Variants in GPX6 observed in about 807,000 individuals in gnomAD.
GPX6 encodes the protein glutathione peroxidase 6.
A neutral mutation model predicts 20.0 loss-of-function variants in GPX6; 21 were observed. The ratio of observed to expected loss-of-function variants is 1.05; its 90% confidence interval spans 0.74 to 1.51. The LOEUF (loss-of-function observed/expected upper bound fraction) is 1.51. GPX6 is among the 40% of genes most tolerant of loss of function. GPX6 has a pLI of 0.00. For missense variants in GPX6, 233 were observed against 254.7 expected (o/e 0.91, Z 0.58); for synonymous variants, 75 against 98.0 (o/e 0.77, Z 1.38).
intron 1 of GPX6, among the ~76,000 whole-genome samples, chr6:28,512,581 T>G (rs978164200): frequency 1.3e-5 from 2 of 152,170 alleles, no homozygotes; most frequent in African/African-American, 4.8e-5. Flanking sequence ...CAGCAGGATG[T>G]GGGTGTGGCC....
intron 2 of GPX6, among the ~76,000 whole-genome samples, chr6:28,506,968 G>A (rs796449027): frequency 4.6e-5 from 7 of 152,258 alleles, no homozygotes; most frequent in African/African-American, 1.7e-4. Flanking sequence ...ACTCCTTGGT[G>A]CTCCACCCTG....
intron 3 of GPX6, among the ~76,000 whole-genome samples, 166 bp from the exon 4 acceptor site, chr6:28,505,968 A>G (rs1325287481): frequency 1.3e-5 from 2 of 152,238 alleles, no homozygotes; most frequent in Non-Finnish European, 2.9e-5. Context: ...TTTATGCAAT[A>G]GGCTTTATGG....
At chr6:28,504,545 TA>T (rs1171912210) in intron 4 of GPX6, 47 bp from the exon 5 acceptor site, 1 of 1,524,360 alleles carries the variant, frequency 6.6e-7, no homozygotes, top group East Asian at 2.3e-5. Flanking sequence ...ATTTCTACTT[TA>T]TTTCTACTTC....
intron 1 of GPX6, among the ~76,000 whole-genome samples, chr6:28,512,679 C>G (rs941642538): frequency 3.3e-5 from 5 of 152,194 alleles, no homozygotes; most frequent in African/African-American, 7.2e-5. Context: ...TTCTTTCGCT[C>G]TTTGCAATAA....
intron 2 of GPX6, 90 bp from the exon 3 acceptor site, chr6:28,506,519 T>C: frequency 1.3e-6 from 1 of 762,484 alleles, no homozygotes; most frequent in South Asian, 1.5e-5. Flanking sequence ...ATTTATCACA[T>C]GAATAAACCG....
chr6:28,512,717 C>T (rs115381250), intron 1 of GPX6, among the ~76,000 whole-genome samples: 4,772 of 152,296 alleles, frequency 0.031, 93 homozygotes, highest in Middle Eastern at 0.058. Context: ...TCTTGGGGTC[C>T]ACACTGCCTT....
chr6:28,506,262 G>A, intron 3 of GPX6, 50 bp downstream of exon 3: 1 of 1,079,208 alleles, frequency 9.3e-7, no homozygotes, highest in East Asian at 2.4e-5. Context: ...GGTGGAATGA[G>A]GAATGGAAAT....
intron 4 of GPX6, among the ~76,000 whole-genome samples, chr6:28,505,065 G>T (rs1325350786): frequency 6.6e-6 from 1 of 152,166 alleles, no homozygotes; most frequent in African/African-American, 2.4e-5. Context: ...ATTGATTATA[G>T]CACCATTTTT....
At chr6:28,512,991 T>C (rs1249669696) in intron 1 of GPX6, among the ~76,000 whole-genome samples, 2 of 151,762 alleles carry the variant, frequency 1.3e-5, no homozygotes, top group African/African-American at 4.8e-5. Flanking sequence ...CTTAAAGAAC[T>C]GGGTTTCATT....
intron 1 of GPX6, among the ~76,000 whole-genome samples, chr6:28,511,556 G>A (rs1320525486): frequency 6.6e-6 from 1 of 152,258 alleles, no homozygotes; most frequent in Non-Finnish European, 1.5e-5. Flanking sequence ...AAAACTCTGA[G>A]ACCCTAGCAG....
intron 4 of GPX6, among the ~76,000 whole-genome samples, chr6:28,505,135 T>C (rs1252718958): frequency 6.6e-6 from 1 of 152,214 alleles, no homozygotes; most frequent in Non-Finnish European, 1.5e-5. Context: ...TCAGAATAAA[T>C]GTTGGTCTTA....
rs55919532 is a variant in GPX6 at position 28,504,099 on chromosome 6, TACACAC to T, written c.*187_*192del. 1.3e-4 allele frequency: 73 copies of T among 565,634 alleles called. No homozygotes were observed. Among genetic ancestry groups the T allele is most frequent in the Non-Finnish European group, 1.4e-4 (45 of 316,732 alleles). 35.0% of individuals were successfully genotyped at this position (565,634 alleles called of 1,614,324 possible). A position where few individuals can be genotyped will look rare whatever the true frequency, so the allele number is the denominator to read the frequency against. On this transcript the variant is annotated 3_prime_UTR_variant, in exon 5 of 5. Coordinates refer to ENST00000361902, the MANE Select transcript of GPX6 (RefSeq NM_182701.1). ...CAACAAATACAATTCTACATATCCA[TACACAC>T]ACACACACACACACACACAGCTACA...
intron 1 of GPX6, among the ~76,000 whole-genome samples, chr6:28,512,833 G>A (rs6935589): frequency 0.058 from 8,837 of 151,634 alleles, 654 homozygotes; most frequent in African/African-American, 0.18. Context: ...GCTGCCTTAA[G>A]AGCTGTAACA....
At chr6:28,513,649 A>G (rs541621056) in intron 1 of GPX6, among the ~76,000 whole-genome samples, 68 of 152,360 alleles carry the variant, frequency 4.5e-4, no homozygotes, top group African/African-American at 1.6e-3. Flanking sequence ...GCATGCCAAG[A>G]ATAAAAGGCA....
At chr6:28,511,101 T>C (rs1475430304) in intron 1 of GPX6, among the ~76,000 whole-genome samples, 197 bp from the exon 2 acceptor site, 1 of 152,160 alleles carries the variant, frequency 6.6e-6, no homozygotes, top group Non-Finnish European at 1.5e-5. Context: ...TACAAGCCAT[T>C]TTTTTGTGTG....
intron 2 of GPX6, among the ~76,000 whole-genome samples, chr6:28,508,060 G>C (rs1581838248): frequency 6.6e-6 from 1 of 152,312 alleles, no homozygotes; most frequent in African/African-American, 2.4e-5. Flanking sequence ...AATAATGGTT[G>C]CCTAAAGAGA....
At chr6:28,509,555 G>A (rs1235267734) in intron 2 of GPX6, among the ~76,000 whole-genome samples, 1 of 151,988 alleles carries the variant, frequency 6.6e-6, no homozygotes, top group Non-Finnish European at 1.5e-5. Context: ...ATTTGTTCAT[G>A]TATTATTTTG....
At chr6:28,513,751 A>T (rs891053426) in intron 1 of GPX6, among the ~76,000 whole-genome samples, 16 of 152,234 alleles carry the variant, frequency 1.1e-4, no homozygotes, top group South Asian at 2.1e-4. Flanking sequence ...ATTTTAGAGT[A>T]ATTTAAACTG....
At chr6:28,506,547 G>A in intron 2 of GPX6, 118 bp from the exon 3 acceptor site, 3 of 653,444 alleles carry the variant, frequency 4.6e-6, no homozygotes, top group South Asian at 1.8e-5. Context: ...AGAAGGGAAA[G>A]ATTCAAGGTT....
Sources: allele counts gnomAD v4.1 joint callset (sites outside exome capture counted in the v4.1 genomes callset), GRCh38; gene constraint gnomAD v4.1.1; transcripts MANE v1.5; gene names NCBI Gene and HGNC (gene_info 2026-07-23, HGNC 2026-07-21).